IL5RA: variants seen among roughly 807,000 people sequenced by gnomAD.
IL5RA encodes the protein interleukin 5 receptor subunit alpha.
A neutral mutation model predicts 50.0 loss-of-function variants in IL5RA; 49 were observed. That is an observed-to-expected ratio of 0.98 (90% CI 0.78 to 1.24). IL5RA has a LOEUF of 1.24. Among genes scored for constraint, IL5RA ranks in the 50% most tolerant of loss-of-function variants. The pLI is 0.00. For missense variants in IL5RA, 600 were observed against 500.4 expected (o/e 1.20, Z -1.90); for synonymous variants, 202 against 174.0 (o/e 1.16, Z -1.26).
intron 9 of IL5RA, chr3:3,091,985 A>G (rs1164042635): frequency 1.1e-5 from 13 of 1,219,116 alleles, no homozygotes; most frequent in African/African-American, 1.6e-5. Flanking sequence ...AAACTTGGAA[A>G]AAAAACAGGC....
chr3:3,091,982 G>A, intron 9 of IL5RA: 1 of 1,213,114 alleles, frequency 8.2e-7, no homozygotes, highest in Non-Finnish European at 1.0e-6. Flanking sequence ...ACAAAACTTG[G>A]AAAAAAAACA....
intron 9 of IL5RA, among the ~76,000 whole-genome samples, chr3:3,081,168 C>T (rs1702652446): frequency 6.6e-6 from 1 of 152,210 alleles, no homozygotes; most frequent in African/African-American, 2.4e-5. Context: ...GATTAATACT[C>T]CGTTCTCTGG....
At chr3:3,104,667 G>T (rs907225133) in intron 3 of IL5RA, among the ~76,000 whole-genome samples, 1 of 152,078 alleles carries the variant, frequency 6.6e-6, no homozygotes, top group Non-Finnish European at 1.5e-5. Flanking sequence ...CATGGTGCCC[G>T]GACACCCACA....
intron 11 of IL5RA, among the ~76,000 whole-genome samples, chr3:3,071,629 A>C: frequency 7.4e-6 from 1 of 135,042 alleles, no homozygotes; most frequent in South Asian, 2.3e-4. Context: ...TGGCTACATC[A>C]CCCAAGCTGC....
chr3:3,086,540 G>A (rs906673352), intron 9 of IL5RA, among the ~76,000 whole-genome samples: 1 of 151,808 alleles, frequency 6.6e-6, no homozygotes, highest in Non-Finnish European at 1.5e-5. Context: ...AAATGAAACT[G>A]CTACTTCCAT....
chr3:3,091,918 G>A (rs1703128998), intron 9 of IL5RA: 5 of 927,954 alleles, frequency 5.4e-6, no homozygotes, highest in Non-Finnish European at 6.7e-6. Context: ...GCTTGTGAGT[G>A]TGATAATTAT....
At position 3,069,390 on chromosome 3, in the gene IL5RA, G is replaced by A. The variant is rs1702224342; in HGVS notation, c.*835C>T. On this transcript the variant is annotated 3_prime_UTR_variant, in exon 12 of 12. Coordinates refer to ENST00000446632, the MANE Select transcript of IL5RA (RefSeq NM_175726.4). The stretch of plus-strand genomic sequence containing the variant: ...CCAACAAGTTGTTCTGAAGTCTTTG[G>A]CAGCAAACATCTCTTCAGAAAGTTC... 1 of 152,164 alleles carries A rather than the reference G, an allele frequency of 6.6e-6. No homozygotes were observed. Among genetic ancestry groups the A allele is most frequent in the South Asian group, 2.1e-4 (1 of 4,824 alleles). The allele number at this position is 152,164 out of a possible 1,614,324, so 9.4% of individuals were successfully genotyped here.
rs902422051 is a variant in IL5RA at position 3,092,813 on chromosome 3, C to T, written c.856-451G>A. On this transcript the variant is annotated intron_variant, in intron 8 of 11. Coordinates refer to ENST00000446632, the MANE Select transcript of IL5RA (RefSeq NM_175726.4). This position sits in a 1 kb window ranked among gnomAD's most constrained non-coding sequence, Gnocchi z 4.2. ...TCTTTTTCCTTCTACTGATCATGGT[C>T]GCCACCATCCAGCTAGTCCCCTGTA... Among the ~76,000 whole-genome samples, 6 of 152,114 alleles carry T rather than the reference C, an allele frequency of 3.9e-5. No individual in the cohort carries two copies. Among genetic ancestry groups the T allele is most frequent in the Non-Finnish European group, 7.3e-5 (5 of 68,028 alleles).
intron 9 of IL5RA, among the ~76,000 whole-genome samples, chr3:3,091,371 C>G (rs1013559793): frequency 2.0e-5 from 3 of 152,164 alleles, no homozygotes; most frequent in Non-Finnish European, 1.5e-5. Flanking sequence ...TGTATCTTGA[C>G]TGTGGTGATG....
intron 10 of IL5RA, 54 bp from the exon 11 acceptor site, chr3:3,074,920 T>G: frequency 9.4e-7 from 1 of 1,068,482 alleles, no homozygotes; most frequent in East Asian, 2.4e-5. Flanking sequence ...CTTTTGTCTC[T>G]AAATATCTAC....
At chr3:3,090,775 A>G (rs334810) in intron 9 of IL5RA, among the ~76,000 whole-genome samples, 91,842 of 151,520 alleles carry the variant, frequency 0.61, 30,258 homozygotes, top group African/African-American at 0.88. Flanking sequence ...GGGTTTCACC[A>G]TGTTACCGAG....
intron 9 of IL5RA, among the ~76,000 whole-genome samples, chr3:3,083,944 C>T (rs1327941335): frequency 6.6e-6 from 1 of 151,114 alleles, no homozygotes. Flanking sequence ...ACTCCGGTGG[C>T]TGAGGCAGGA....
chr3:3,104,172 T>C (rs554184223), intron 3 of IL5RA, among the ~76,000 whole-genome samples: 1 of 152,326 alleles, frequency 6.6e-6, no homozygotes, highest in East Asian at 1.9e-4. Flanking sequence ...CCCAAGTAGC[T>C]GAGATTACAG....
chr3:3,084,307 AG>A (rs1476158741), intron 9 of IL5RA, among the ~76,000 whole-genome samples: 5 of 152,218 alleles, frequency 3.3e-5, no homozygotes, highest in African/African-American at 1.2e-4. Flanking sequence ...CTTTCATCAA[AG>A]CAAGGCCAAA....
At position 3,090,406 on chromosome 3, in the gene IL5RA, T is replaced by C. The variant is rs144490064; in HGVS notation, c.994+1818A>G. On this transcript the variant is annotated intron_variant, in intron 9 of 11. Transcript: ENST00000446632. The stretch of plus-strand genomic sequence containing the variant: ...ACCTAGTGCAACAGTTAACGACGTG[T>C]GTGTGCCTCCCCAGGCTGAATGGTT... 140 of 623,248 alleles carry C rather than the reference T, an allele frequency of 2.2e-4. 1 individual carries two copies. In the African/African-American group the frequency reaches 2.4e-3, roughly 11 times the overall value. The allele number at this position is 623,248 out of a possible 1,614,324, so 38.6% of individuals were successfully genotyped here. A position where few individuals can be genotyped will look rare whatever the true frequency, so the allele number is the denominator to read the frequency against.
At chr3:3,073,664 C>A in intron 11 of IL5RA, 1 of 312,004 alleles carries the variant, frequency 3.2e-6, no homozygotes, top group Non-Finnish European at 6.3e-6. Context: ...TAAAGAAAAC[C>A]TAAATAAATG....
intron 3 of IL5RA, among the ~76,000 whole-genome samples, chr3:3,104,582 T>A (rs1403848568): frequency 1.7e-5 from 2 of 114,374 alleles, no homozygotes; most frequent in Non-Finnish European, 4.2e-5. Context: ...TCTTAACGTT[T>A]GGTCATGGGG....
At chr3:3,094,074 C>A (rs1352279961) in intron 8 of IL5RA, among the ~76,000 whole-genome samples, 1 of 151,954 alleles carries the variant, frequency 6.6e-6, no homozygotes, top group African/African-American at 2.4e-5. Flanking sequence ...AGTTCCTTTC[C>A]CCTTGAAATT....
At position 3,095,295 on chromosome 3, in the gene IL5RA, T is replaced by C; in HGVS notation, c.855+4A>G. 1 of 1,577,160 alleles carries C rather than the reference T, an allele frequency of 6.3e-7. No individual in the cohort carries two copies. The highest frequency in any genetic ancestry group is 8.7e-7 in the Non-Finnish European group (1 of 1,155,732). ...TCAAATATTGGAATAATCTGAGTAA[T>C]TACCTGCAAATATCCATTCCTTGTA... On this transcript the variant is annotated splice_donor_region_variant and intron_variant, in intron 8 of 11. Coordinates refer to ENST00000446632, the MANE Select transcript of IL5RA (RefSeq NM_175726.4).
Sources: gnomAD v4.1 joint callset for allele counts (sites outside exome capture counted in the v4.1 genomes callset) on GRCh38, gnomAD v4.1.1 for gene constraint, Gnocchi (gnomAD v3.1) non-coding constraint, MANE v1.5 for transcripts, NCBI Gene and HGNC (gene_info 2026-07-23, HGNC 2026-07-21) for gene names.